The following AVEN variants were observed in gnomAD, a reference collection of about 807,000 sequenced individuals.
The protein encoded by AVEN is cell death regulator Aven.
In AVEN, 41 loss-of-function variants were observed where a neutral mutation model predicts 38.1. That is an observed-to-expected ratio of 1.08 (90% CI 0.84 to 1.40). The LOEUF is 1.40. AVEN is among the 40% of genes most tolerant of loss of function. The probability of loss-of-function intolerance (pLI) is 0.00; values close to 1 mark genes in which losing one functional copy is unlikely to be tolerated. For synonymous variants in AVEN, 206 were observed against 171.8 expected, an observed-to-expected ratio of 1.20 and a Z score of -1.56; for missense variants, 605 against 438.8, an observed-to-expected ratio of 1.38 and a Z score of -3.38.
At chr15:33,935,221 A>T (rs1894012311) in intron 2 of AVEN, among the ~76,000 whole-genome samples, 1 of 152,202 alleles carries the variant, frequency 6.6e-6, no homozygotes. Context: ...AGGTCGTCAT[A>T]AAAATGATTT....
intron 2 of AVEN, among the ~76,000 whole-genome samples, chr15:33,933,522 CACAGAGAGAGAGAGAGAGAGAGAGAGAG>C (rs1285403523): frequency 0.033 from 1,735 of 53,268 alleles, 26 homozygotes; most frequent in Admixed American, 0.1. Flanking sequence ...CACACACACA[CACAGAGAGAGAGAGAGAGAGAGAGAGAG>C]AGAGAGAGAG....
downstream of AVEN, among the ~76,000 whole-genome samples, chr15:33,863,465 C>T (rs1889262325): frequency 6.6e-6 from 1 of 152,158 alleles, no homozygotes; most frequent in African/African-American, 2.4e-5. Flanking sequence ...ATATCACCAA[C>T]TTCACAATCC....
chr15:33,872,942 G>A (rs905781094), intron 3 of AVEN, among the ~76,000 whole-genome samples: 17 of 151,880 alleles, frequency 1.1e-4, no homozygotes, highest in Admixed American at 2.6e-4. Flanking sequence ...TTCACCCTGC[G>A]TATCAGCCAC....
chr15:33,992,373 G>A (rs1222906067), intron 2 of AVEN, among the ~76,000 whole-genome samples: 2 of 150,658 alleles, frequency 1.3e-5, no homozygotes, highest in Non-Finnish European at 2.9e-5. Flanking sequence ...CTGCGCGACA[G>A]ATCAGGACTC....
At chr15:34,062,530 G>A (rs1246062092) in intron 5 of AVEN, 1 of 578,294 alleles carries the variant, frequency 1.7e-6, no homozygotes, top group Non-Finnish European at 2.9e-6. Context: ...ACTCCAGCCT[G>A]GGTGACAAAG....
At chr15:33,874,427 T>G (rs1321901360) in intron 3 of AVEN, among the ~76,000 whole-genome samples, 1 of 152,168 alleles carries the variant, frequency 6.6e-6, no homozygotes, top group Non-Finnish European at 1.5e-5. Flanking sequence ...TTTCCTGATC[T>G]TACCATTTTC....
chr15:34,022,349 C>T (rs1471629519), intron 1 of AVEN, among the ~76,000 whole-genome samples: 2 of 152,270 alleles, frequency 1.3e-5, no homozygotes, highest in Non-Finnish European at 2.9e-5. Flanking sequence ...CATCTCCCTT[C>T]TGCAGCTCTT....
chr15:34,063,956 T>G lies in AVEN; in HGVS notation n.1127-524A>C, dbSNP rs1900438868. On this transcript the variant is annotated intron_variant and non_coding_transcript_variant, in intron 4 of 11. Transcript: ENST00000675287. This position sits in a 1 kb window ranked among gnomAD's most constrained non-coding sequence, Gnocchi z 4.1. ...GCCCCTTCCCAGTGGCCAAGGAACC[T>G]TCAACGAAAGGCCTCAATCCCAACC... 4 of 1,613,954 alleles carry G rather than the reference T, an allele frequency of 2.5e-6. 1 individual carries two copies. In the South Asian group the frequency reaches 4.4e-5, roughly 18 times the overall value.
At chr15:33,861,145 ATACAT>A in intron 11 of AVEN, 2 of 1,596,244 alleles carry the variant, frequency 1.3e-6, no homozygotes, top group Non-Finnish European at 8.5e-7. Context: ...TTTGAAACAC[ATACAT>A]TACAAGAGCA....
chr15:33,947,072 G>A (rs1894535142), intron 2 of AVEN, among the ~76,000 whole-genome samples: 1 of 152,126 alleles, frequency 6.6e-6, no homozygotes, highest in Non-Finnish European at 1.5e-5. Flanking sequence ...CTGGATGCAG[G>A]GACCCCAAGC....
intron 2 of AVEN, among the ~76,000 whole-genome samples, chr15:33,895,700 G>C (rs1014423748): frequency 1.3e-5 from 2 of 152,032 alleles, no homozygotes; most frequent in Admixed American, 6.6e-5. Context: ...ATAGTATTCT[G>C]AAGGCCCCAC....
chr15:33,905,685 A>G (rs1403904117), intron 2 of AVEN, among the ~76,000 whole-genome samples: 5 of 152,092 alleles, frequency 3.3e-5, no homozygotes, highest in Admixed American at 2.0e-4. Flanking sequence ...ATTAGCCAGG[A>G]GTGCTGGCAT....
At chr15:33,940,072 G>T (rs1446162066) in intron 2 of AVEN, among the ~76,000 whole-genome samples, 1 of 152,082 alleles carries the variant, frequency 6.6e-6, no homozygotes, top group Non-Finnish European at 1.5e-5. Context: ...TCAGCAGGAG[G>T]AATCTGCCGG....
At chr15:33,879,546 G>T (rs547380009) in intron 2 of AVEN, among the ~76,000 whole-genome samples, 11 of 97,626 alleles carry the variant, frequency 1.1e-4, no homozygotes, top group African/African-American at 2.9e-4. Context: ...AAAACTTAAG[G>T]TATAATAATA....
intron 2 of AVEN, among the ~76,000 whole-genome samples, chr15:33,918,433 G>C (rs1244039044): frequency 1.5e-5 from 2 of 131,664 alleles, no homozygotes; most frequent in African/African-American, 2.8e-5. Flanking sequence ...TGATGATGTT[G>C]TGTCTTCCCA....
Position 33,866,633 on chromosome 15 carries a change from A to AC in AVEN, c.1068dup (p.Leu357ValfsTer43), listed in dbSNP as rs772224457. ...CCTTTTTAGGAAATCATGCTGTCCA[A>AC]CCAGTCTTCCAGCTCTTCCTCGGTA... is the stretch of plus-strand genomic sequence containing the variant. On this transcript the variant is annotated frameshift_variant, in exon 6 of 6. Transcript: ENST00000306730. LOFTEE classifies it high-confidence loss of function. The AC allele has an allele frequency of 1.2e-6, 2 of 1,613,718 alleles. No individual in the cohort carries two copies. The highest frequency in any genetic ancestry group is 1.7e-5 in the Admixed American group (1 of 59,988).
intron 1 of AVEN, among the ~76,000 whole-genome samples, chr15:34,036,864 C>T (rs1044333777): frequency 7.9e-5 from 12 of 152,094 alleles, no homozygotes. Context: ...TATCCCAGCA[C>T]CTTGGGAGGC....
chr15:33,857,709 G>A, downstream of AVEN: 1 of 1,574,486 alleles, frequency 6.4e-7, no homozygotes, highest in East Asian at 2.3e-5. Context: ...CGTTTTCTTA[G>A]AGTCTCCTGT....
intron 2 of AVEN, among the ~76,000 whole-genome samples, chr15:33,983,194 G>A (rs12910307): frequency 3.6e-5 from 2 of 55,716 alleles, no homozygotes; most frequent in African/African-American, 1.7e-4. Context: ...GTGTGTGTAT[G>A]TGTGTGTATA....
Sources: gnomAD v4.1 joint callset for allele counts (sites outside exome capture counted in the v4.1 genomes callset) on GRCh38, gnomAD v4.1.1 for gene constraint, Gnocchi (gnomAD v3.1) non-coding constraint, MANE v1.5 for transcripts, NCBI Gene and HGNC (gene_info 2026-07-23, HGNC 2026-07-21) for gene names.